The following NCKAP5 variants were observed in gnomAD, a reference collection of about 807,000 sequenced individuals.
NCKAP5 encodes NCK associated protein 5.
A neutral mutation model predicts 167.0 loss-of-function variants in NCKAP5; 92 were observed. That is an observed-to-expected ratio of 0.55 (90% CI 0.47 to 0.66). NCKAP5 has a LOEUF of 0.66. NCKAP5 is among the 30% of genes least tolerant of loss of function. The pLI, the probability that NCKAP5 is intolerant of heterozygous loss-of-function variation, is 0.00. For synonymous variants in NCKAP5, 891 were observed against 877.4 expected, an observed-to-expected ratio of 1.02 and a Z score of -0.27; for missense variants, 2,378 against 2,315.0, an observed-to-expected ratio of 1.03 and a Z score of -0.56.
chr2:133,275,378 C>T (rs997362828), intron 4 of NCKAP5, among the ~76,000 whole-genome samples: 23 of 150,820 alleles, frequency 1.5e-4, no homozygotes, highest in African/African-American at 9.7e-5. Flanking sequence ...TATGTACTCA[C>T]GGAAAAGGCT....
intron 10 of NCKAP5, among the ~76,000 whole-genome samples, chr2:132,862,567 T>A (rs969754203): frequency 1.3e-5 from 2 of 152,072 alleles, no homozygotes; most frequent in African/African-American, 4.8e-5. Context: ...AAGGTGCAAC[T>A]TCAGCCTGGC....
chr2:133,095,692 T>C (rs979393560), intron 6 of NCKAP5, among the ~76,000 whole-genome samples: 1 of 152,190 alleles, frequency 6.6e-6, no homozygotes, highest in Non-Finnish European at 1.5e-5. Flanking sequence ...AGTCACTGCA[T>C]TTTGAGATGG....
intron 6 of NCKAP5, among the ~76,000 whole-genome samples, chr2:133,068,681 C>T (rs2080282569): frequency 1.3e-5 from 2 of 152,316 alleles, no homozygotes; most frequent in South Asian, 2.1e-4. Flanking sequence ...TTTCAAGTCA[C>T]TGCTGTCTGG....
chr2:132,727,784 C>A (rs1368838398), intron 18 of NCKAP5, among the ~76,000 whole-genome samples: 5 of 152,192 alleles, frequency 3.3e-5, no homozygotes, highest in Non-Finnish European at 5.9e-5. Context: ...CAGCAGGACT[C>A]TAGTGTTCCC....
chr2:133,465,250 T>A (rs1692487745), intron 3 of NCKAP5, among the ~76,000 whole-genome samples: 1 of 148,444 alleles, frequency 6.7e-6, no homozygotes, highest in Non-Finnish European at 1.5e-5. Context: ...TGAGTGAGAA[T>A]ATGCGGTGTT....
chr2:132,687,097 G>C (rs1686044385), intron 19 of NCKAP5, among the ~76,000 whole-genome samples: 1 of 152,164 alleles, frequency 6.6e-6, no homozygotes, highest in Admixed American at 6.6e-5. Context: ...TTAGGGATTT[G>C]CCTTGGAATG....
At chr2:133,125,962 A>C (rs913343911) in intron 6 of NCKAP5, among the ~76,000 whole-genome samples, 2 of 152,184 alleles carry the variant, frequency 1.3e-5, no homozygotes, top group Non-Finnish European at 2.9e-5. Context: ...TAAAAAAAAA[A>C]CTACTCATTC....
At chr2:132,801,627 C>T (rs1340943444) in intron 11 of NCKAP5, among the ~76,000 whole-genome samples, 1 of 152,122 alleles carries the variant, frequency 6.6e-6, no homozygotes, top group African/African-American at 2.4e-5. Context: ...GAACGCATGC[C>T]TCATACAGGT....
intron 3 of NCKAP5, among the ~76,000 whole-genome samples, chr2:133,351,043 T>C (rs1174309810): frequency 1.3e-5 from 2 of 152,164 alleles, no homozygotes; most frequent in African/African-American, 2.4e-5. Context: ...CATCTGTGTC[T>C]ATACATGAAG....
chr2:132,757,580 T>A (rs1431270694), intron 16 of NCKAP5, among the ~76,000 whole-genome samples: 1 of 152,198 alleles, frequency 6.6e-6, no homozygotes, highest in East Asian at 1.9e-4. Context: ...TCAATTTTCA[T>A]CTCCACAATT....
At chr2:133,392,956 C>T (rs1387792911) in intron 3 of NCKAP5, among the ~76,000 whole-genome samples, 1 of 152,164 alleles carries the variant, frequency 6.6e-6, no homozygotes, top group Admixed American at 6.5e-5. Context: ...ATTTGATTGC[C>T]TTTCAGAAAA....
intron 7 of NCKAP5, among the ~76,000 whole-genome samples, chr2:132,975,446 C>A (rs1573607072): frequency 1.3e-5 from 2 of 152,174 alleles, no homozygotes; most frequent in Non-Finnish European, 2.9e-5. Context: ...TGGAGTTACA[C>A]TAATAAATTT....
intron 16 of NCKAP5, among the ~76,000 whole-genome samples, chr2:132,737,848 A>G (rs943117968): frequency 2.6e-5 from 4 of 152,198 alleles, no homozygotes; most frequent in East Asian, 1.9e-4. Flanking sequence ...GATTTGATTC[A>G]TCTCCTCCAT....
intron 5 of NCKAP5, among the ~76,000 whole-genome samples, chr2:133,198,436 C>T (rs2085533127): frequency 6.6e-6 from 1 of 152,072 alleles, no homozygotes. Context: ...ACTCTAATGA[C>T]TGTAGGTTTC....
At chr2:133,553,986 C>G (rs528410531) in intron 2 of NCKAP5, among the ~76,000 whole-genome samples, 4 of 152,170 alleles carry the variant, frequency 2.6e-5, no homozygotes, top group Non-Finnish European at 5.9e-5. Flanking sequence ...TGTCAGACCT[C>G]AGGTGTCTGG....
intron 7 of NCKAP5, among the ~76,000 whole-genome samples, chr2:132,989,809 T>C (rs1559025376): frequency 6.6e-6 from 1 of 152,196 alleles, no homozygotes; most frequent in Non-Finnish European, 1.5e-5. Flanking sequence ...CCACTTGGCA[T>C]TTGCGAGTTC....
At chr2:132,808,550 A>C (rs182460443) in intron 11 of NCKAP5, among the ~76,000 whole-genome samples, 1 of 152,052 alleles carries the variant, frequency 6.6e-6, no homozygotes, top group Non-Finnish European at 1.5e-5. Flanking sequence ...ATGTGCGTAA[A>C]TGTGTTTACA....
At chr2:133,328,470 CAGA>C (rs939533560) in intron 3 of NCKAP5, among the ~76,000 whole-genome samples, 1 of 152,164 alleles carries the variant, frequency 6.6e-6, no homozygotes, top group Admixed American at 6.5e-5. Flanking sequence ...ACTACAGAGG[CAGA>C]AGGAGAAGTA....
chr2:132,925,726 G>A (rs571596932), intron 8 of NCKAP5, among the ~76,000 whole-genome samples: 2 of 152,192 alleles, frequency 1.3e-5, no homozygotes, highest in East Asian at 3.9e-4. Flanking sequence ...GTGGCCTGGG[G>A]GTTGGGGACC....
Sources: allele counts gnomAD v4.1 joint callset (sites outside exome capture counted in the v4.1 genomes callset), GRCh38; gene constraint gnomAD v4.1.1; transcripts MANE v1.5; gene names NCBI Gene and HGNC (gene_info 2026-07-23, HGNC 2026-07-21).